FANCM: variants seen among roughly 807,000 people sequenced by gnomAD.
FANCM encodes Fanconi anemia group M protein.
Under a neutral mutation model 199.5 loss-of-function variants are expected in FANCM, and 140 were observed. The observed-to-expected ratio is 0.70, with a 90% confidence interval of 0.61 to 0.81. The LOEUF (loss-of-function observed/expected upper bound fraction) is 0.81. FANCM is among the 30% of genes least tolerant of loss of function. FANCM has a pLI of 0.00. For synonymous variants in FANCM, 840 were observed against 836.8 expected (o/e 1.00, Z -0.07); for missense variants, 2,410 against 2,421.4 (o/e 1.00, Z 0.10).
chr14:45,141,329 A>G (rs1350332326), intron 3 of FANCM, among the ~76,000 whole-genome samples: 4 of 151,580 alleles, frequency 2.6e-5, no homozygotes, highest in Non-Finnish European at 5.9e-5. Flanking sequence ...AACAAAAAAC[A>G]TAAATGAATA....
intron 2 of FANCM, among the ~76,000 whole-genome samples, chr14:45,138,119 T>C (rs1223960435): frequency 6.6e-6 from 1 of 152,088 alleles, no homozygotes; most frequent in Non-Finnish European, 1.5e-5. Flanking sequence ...GCTGTAGATA[T>C]TCATTAGGCG....
rs111888648 is a variant in FANCM, at chr14:45,191,636, G to T, written c.5340+2274G>T. Reference sequence around the variant, plus strand: ...AGGACTATGAAAAGGGATCAGTAGGGCTTAGTGGAAAAAGTTTTAAGTTTT... The same window carrying T: ...AGGACTATGAAAAGGGATCAGTAGGTCTTAGTGGAAAAAGTTTTAAGTTTT... On this transcript the variant is annotated intron_variant, in intron 20 of 22. Coordinates refer to ENST00000267430, the MANE Select transcript of FANCM (RefSeq NM_020937.4). 7.3e-3 allele frequency among the ~76,000 whole-genome samples: 1,118 copies of T among 152,280 alleles called. 25 individuals carry two copies. The highest frequency in any genetic ancestry group is 0.026 in the African/African-American group (1,062 of 41,564).
chr14:45,141,884 C>CGGCTTGAGT (rs1172685636), intron 3 of FANCM, among the ~76,000 whole-genome samples: 1 of 151,896 alleles, frequency 6.6e-6, no homozygotes, highest in African/African-American at 2.4e-5. Flanking sequence ...CTACTATGCC[C>CGGCTTGAGT]AGCCCAGGAG....
Position 45,185,363 on chromosome 14 carries a change from G to A in FANCM, c.4662G>A (p.Gln1554=). 1 of 1,576,956 alleles carries A rather than the reference G, an allele frequency of 6.3e-7. No individual in the cohort carries two copies. Among genetic ancestry groups the A allele is most frequent in the South Asian group, 1.2e-5 (1 of 86,844 alleles). Residue 1554 remains glutamine (Q), a synonymous_variant, in exon 18 of 23, where the codon CAG becomes CAA. Transcript: ENST00000267430. ...TAAATGATGAAACTCAACTTTCACA[G>A]GCTATAAATGGTAAATGTTATAATG... is the stretch of plus-strand genomic sequence containing the variant. ...DFLNDETQLS[Q]AINDSEMRAI...
At chr14:45,162,149 G>GTGTA (rs1887651286) in intron 9 of FANCM, among the ~76,000 whole-genome samples, 1 of 152,196 alleles carries the variant, frequency 6.6e-6, no homozygotes, top group Non-Finnish European at 1.5e-5. Context: ...ACTTTGGGAG[G>GTGTA]CCAAGGCAGG....
intron 5 of FANCM, 149 bp downstream of exon 5, chr14:45,151,677 C>G (rs1886828000): frequency 7.9e-6 from 6 of 754,972 alleles, no homozygotes; most frequent in Non-Finnish European, 1.3e-5. Flanking sequence ...GTAATCCTAA[C>G]AGTTTGGGAG....
chr14:45,177,315 TGAATAATAAGAGAGTG>T (rs1187172339), intron 14 of FANCM, among the ~76,000 whole-genome samples: 7 of 152,132 alleles, frequency 4.6e-5, no homozygotes, highest in African/African-American at 1.7e-4. Flanking sequence ...AACTACCAAA[TGAATAATAAGAGAGTG>T]GCTGTTTAGG....
At chr14:45,154,876 A>G in intron 7 of FANCM, 54 bp downstream of exon 7, 2 of 1,470,298 alleles carry the variant, frequency 1.4e-6, no homozygotes, top group Non-Finnish European at 9.4e-7. Flanking sequence ...AATCACAGTT[A>G]ATTTTGAAAT....
intron 12 of FANCM, among the ~76,000 whole-genome samples, chr14:45,171,509 A>G (rs1005717665): frequency 3.9e-5 from 6 of 152,082 alleles, no homozygotes; most frequent in Non-Finnish European, 7.4e-5. Flanking sequence ...GACAGAGTCC[A>G]TTATATTATT....
chr14:45,137,005 A>G (rs1885562552), intron 1 of FANCM, 64 bp from the exon 2 acceptor site: 4 of 1,246,558 alleles, frequency 3.2e-6, no homozygotes, highest in Non-Finnish European at 1.2e-6. Flanking sequence ...AAAAAGCCAG[A>G]CTATTTATAT....
rs940094180 is a variant in FANCM at position 45,200,743 on chromosome 14, T to G, written c.*735T>G. 6 of 152,172 alleles carry G rather than the reference T, an allele frequency of 3.9e-5. No homozygotes were observed. Among genetic ancestry groups the G allele is most frequent in the African/African-American group, 1.4e-4 (6 of 41,442 alleles). The allele number at this position is 152,172 out of a possible 1,614,324, so 9.4% of individuals were successfully genotyped here. A position where few individuals can be genotyped will look rare whatever the true frequency, so the allele number is the denominator to read the frequency against. On this transcript the variant is annotated 3_prime_UTR_variant, in exon 23 of 23. Coordinates refer to ENST00000267430, the MANE Select transcript of FANCM (RefSeq NM_020937.4). ...CAGAGGATCTGATGGTTTTATAAGC[T>G]TTTCCTCTGTTCACTCTGCAGTTCT...
chr14:45,183,102 C>T (rs534423091), intron 16 of FANCM, among the ~76,000 whole-genome samples: 3 of 152,016 alleles, frequency 2.0e-5, no homozygotes, highest in Non-Finnish European at 2.9e-5. Flanking sequence ...ACAGCCAGTC[C>T]GTATTAACAT....
chr14:45,146,279 A>G (rs1886377884), intron 3 of FANCM, among the ~76,000 whole-genome samples: 1 of 149,376 alleles, frequency 6.7e-6, no homozygotes, highest in African/African-American at 2.5e-5. Context: ...TTCCTACCTC[A>G]AAGTGCCTCT....
intron 16 of FANCM, 59 bp downstream of exon 16, chr14:45,181,764 G>A (rs1889089752): frequency 9.4e-7 from 1 of 1,059,976 alleles, no homozygotes; most frequent in Non-Finnish European, 1.5e-6. Context: ...AAAATTTTGA[G>A]AGAAATATAT....
At chr14:45,156,576 G>C (rs1248059826) in intron 8 of FANCM, among the ~76,000 whole-genome samples, 1 of 152,020 alleles carries the variant, frequency 6.6e-6, no homozygotes, top group Non-Finnish European at 1.5e-5. Context: ...GTTCAAATTG[G>C]AGCCAACTTA....
intron 20 of FANCM, among the ~76,000 whole-genome samples, chr14:45,191,483 C>T (rs1889764623): frequency 2.0e-5 from 3 of 152,198 alleles, no homozygotes; most frequent in Admixed American, 2.0e-4. Flanking sequence ...TTCACCCCCA[C>T]ACCACACTCC....
At chr14:45,143,280 C>A (rs968615958) in intron 3 of FANCM, among the ~76,000 whole-genome samples, 2 of 151,814 alleles carry the variant, frequency 1.3e-5, no homozygotes, top group African/African-American at 4.9e-5. Flanking sequence ...GGTTCTCCCA[C>A]GTCAGCCTCC....
intron 21 of FANCM, among the ~76,000 whole-genome samples, chr14:45,197,235 G>C (rs1423364108): frequency 2.6e-5 from 4 of 152,130 alleles, no homozygotes; most frequent in African/African-American, 9.7e-5. Flanking sequence ...CACTCCCTCT[G>C]AGGAACTGAT....
chr14:45,160,002 GTTT>G (rs200603043), intron 9 of FANCM, among the ~76,000 whole-genome samples: 12,041 of 121,858 alleles, frequency 0.099, 547 homozygotes, highest in South Asian at 0.21. Context: ...TTTTTTTTTT[GTTT>G]TTTTTTTTTT....
Sources: allele counts gnomAD v4.1 joint callset (sites outside exome capture counted in the v4.1 genomes callset), GRCh38; gene constraint gnomAD v4.1.1; transcripts MANE v1.5; gene names NCBI Gene and HGNC (gene_info 2026-07-23, HGNC 2026-07-21).